Variants in SOX5 observed in about 807,000 individuals in gnomAD.
SOX5 encodes SRY-box transcription factor 5.
SOX5 carries 9 observed loss-of-function variants against 92.0 expected under a neutral mutation model. That is an observed-to-expected ratio of 0.10 (90% CI 0.06 to 0.17). The LOEUF is 0.17. Ranked by LOEUF, SOX5 falls within the 10% of genes least tolerant of loss-of-function variation. The pLI, the probability that SOX5 is intolerant of heterozygous loss-of-function variation, is 1.00. For missense variants in SOX5, 642 were observed against 944.5 expected (o/e 0.68, Z 4.20); for synonymous variants, 344 against 336.3 (o/e 1.02, Z -0.25).
At chr12:24,346,470 G>C (rs1317311005) in intron 2 of SOX5, among the ~76,000 whole-genome samples, 2 of 84,276 alleles carry the variant, frequency 2.4e-5, no homozygotes, top group African/African-American at 9.4e-5. Flanking sequence ...TTTTTTTTTT[G>C]AGATGGAGTC....
chr12:24,405,929 C>G (rs1962837870), intron 1 of SOX5, among the ~76,000 whole-genome samples: 1 of 152,174 alleles, frequency 6.6e-6, no homozygotes, highest in South Asian at 2.1e-4. Flanking sequence ...GAGACAGAGA[C>G]AGAAAGGGCT....
intron 1 of SOX5, among the ~76,000 whole-genome samples, chr12:23,935,064 T>A (rs1387010860): frequency 6.6e-6 from 1 of 151,196 alleles, no homozygotes; most frequent in Admixed American, 6.6e-5. Flanking sequence ...GATCCATGGA[T>A]CAAGCCTACA....
chr12:24,467,001 A>T (rs945525648), intron 1 of SOX5, among the ~76,000 whole-genome samples: 1 of 152,196 alleles, frequency 6.6e-6, no homozygotes, highest in African/African-American at 2.4e-5. Flanking sequence ...GAAAAGTCTT[A>T]CTTTCTCCAC....
chr12:23,686,309 A>G (rs1382925545), intron 6 of SOX5, among the ~76,000 whole-genome samples: 2 of 152,214 alleles, frequency 1.3e-5, no homozygotes, highest in African/African-American at 4.8e-5. Context: ...CCAATTTTCC[A>G]ATGTTATGAC....
At chr12:23,899,233 C>A (rs912797395) in intron 1 of SOX5, among the ~76,000 whole-genome samples, 7 of 151,970 alleles carry the variant, frequency 4.6e-5, no homozygotes, top group Non-Finnish European at 1.0e-4. Flanking sequence ...GAAACCCCAT[C>A]TCTACTAAAA....
intron 11 of SOX5, among the ~76,000 whole-genome samples, chr12:23,547,725 A>G (rs2136096070): frequency 6.6e-6 from 1 of 152,282 alleles, no homozygotes; most frequent in African/African-American, 2.4e-5. Context: ...CAATCAGTAT[A>G]AAATACAGTA....
chr12:23,647,647 C>A (rs1225473352), intron 7 of SOX5, among the ~76,000 whole-genome samples: 2 of 152,236 alleles, frequency 1.3e-5, no homozygotes, highest in Non-Finnish European at 2.9e-5. Flanking sequence ...GCAGCTTCTA[C>A]ATCAGCACTT....
intron 4 of SOX5, among the ~76,000 whole-genome samples, chr12:24,083,028 T>C (rs911170756): frequency 6.6e-6 from 1 of 152,044 alleles, no homozygotes; most frequent in African/African-American, 2.4e-5. Context: ...TATTATTCTG[T>C]CATGTTAAAG....
At chr12:23,600,691 C>A (rs150117120) in intron 9 of SOX5, among the ~76,000 whole-genome samples, 94 of 151,714 alleles carry the variant, frequency 6.2e-4, no homozygotes, top group Admixed American at 2.4e-3. Flanking sequence ...CAACAATATG[C>A]ATGTTCTTGA....
intron 6 of SOX5, among the ~76,000 whole-genome samples, chr12:23,699,270 T>A (rs2090302157): frequency 6.6e-6 from 1 of 152,190 alleles, no homozygotes; most frequent in Admixed American, 6.5e-5. Context: ...CACCAGATAG[T>A]GAGCTGTGGA....
At chr12:23,830,949 G>T (rs1001090050) in intron 3 of SOX5, among the ~76,000 whole-genome samples, 1 of 152,012 alleles carries the variant, frequency 6.6e-6, no homozygotes, top group African/African-American at 2.4e-5. Context: ...TGTTCACAAG[G>T]CCAAATATCA....
intron 4 of SOX5, among the ~76,000 whole-genome samples, chr12:24,073,444 T>A (rs1942069517): frequency 1.3e-5 from 2 of 152,228 alleles, no homozygotes; most frequent in East Asian, 1.9e-4. Flanking sequence ...TATTAATGAC[T>A]AAGTGCTGGG....
chr12:23,937,841 G>A (rs1942913756), intron 1 of SOX5, among the ~76,000 whole-genome samples: 1 of 150,862 alleles, frequency 6.6e-6, no homozygotes, highest in Non-Finnish European at 1.5e-5. Context: ...AAACCCTATG[G>A]TTTTTCTAAG....
chr12:24,546,941 C>G (rs893246494), intron 1 of SOX5, among the ~76,000 whole-genome samples: 3 of 151,982 alleles, frequency 2.0e-5, no homozygotes, highest in Admixed American at 6.5e-5. Context: ...ATTATTAGCT[C>G]CAGGAAACAA....
In SOX5 at chr12:23,696,411, T is replaced by G. The variant is rs540735612; in HGVS notation, c.811-30847A>C. Among the ~76,000 whole-genome samples, 4 of 152,256 alleles carry G rather than the reference T, an allele frequency of 2.6e-5. No homozygotes were observed. In the East Asian group the frequency reaches 7.7e-4, roughly 29 times the overall value. ...AGTTGCCAAATTTATGGGTATAAAGTTTTTCATAACAGCCCCTGGTTTTAT... is the reference window on the plus strand; with the variant it reads ...AGTTGCCAAATTTATGGGTATAAAGGTTTTCATAACAGCCCCTGGTTTTAT... On this transcript the variant is annotated intron_variant, in intron 6 of 14. Coordinates refer to ENST00000451604, the MANE Select transcript of SOX5 (RefSeq NM_006940.6).
At chr12:24,455,238 T>C (rs1203988748) in intron 1 of SOX5, among the ~76,000 whole-genome samples, 1 of 152,174 alleles carries the variant, frequency 6.6e-6, no homozygotes, top group Non-Finnish European at 1.5e-5. Flanking sequence ...TAATTAAAAA[T>C]GGGTGAACAT....
At chr12:23,616,434 GT>G (rs1448271233) in intron 8 of SOX5, among the ~76,000 whole-genome samples, 3 of 152,210 alleles carry the variant, frequency 2.0e-5, no homozygotes, top group Non-Finnish European at 4.4e-5. Flanking sequence ...AGTGGGAAGG[GT>G]TGTCACTTAA....
chr12:24,318,471 G>A (rs1447458495), intron 2 of SOX5, among the ~76,000 whole-genome samples: 1 of 152,168 alleles, frequency 6.6e-6, no homozygotes, highest in East Asian at 1.9e-4. Context: ...TTGAAATCAT[G>A]GCGAGCTATG....
chr12:24,065,662 A>G (rs145718162), intron 4 of SOX5, among the ~76,000 whole-genome samples: 25,364 of 120,408 alleles, frequency 0.21, 2,461 homozygotes, highest in Middle Eastern at 0.33. Flanking sequence ...AAAAAAAAAA[A>G]AAAAGAAAAG....
Sources: allele counts gnomAD v4.1 joint callset (sites outside exome capture counted in the v4.1 genomes callset), GRCh38; gene constraint gnomAD v4.1.1; transcripts MANE v1.5; gene names NCBI Gene and HGNC (gene_info 2026-07-23, HGNC 2026-07-21).